Variants in HNRNPH1 observed in about 807,000 individuals in gnomAD.
HNRNPH1 encodes the protein heterogeneous nuclear ribonucleoprotein H.
In HNRNPH1, 4 loss-of-function variants were observed where a neutral mutation model predicts 58.6. The ratio of observed to expected loss-of-function variants is 0.07; its 90% CI spans 0.03 to 0.16. HNRNPH1 has a LOEUF of 0.16. Ranked by LOEUF, HNRNPH1 falls within the 10% of genes least tolerant of loss-of-function variation. The pLI is 1.00. For missense variants in HNRNPH1, 271 were observed against 564.2 expected (o/e 0.48, Z 5.26); for synonymous variants, 192 against 189.2 (o/e 1.01, Z -0.12).
At chr5:179,632,307 CAAAAAAAAAAAAAA>C (rs1334828191) in intron 2 of HNRNPH1, among the ~76,000 whole-genome samples, 1 of 132,830 alleles carries the variant, frequency 7.5e-6, no homozygotes, top group Non-Finnish European at 1.6e-5. Flanking sequence ...GACTCCGTCT[CAAAAAAAAAAAAAA>C]GAAAAAAGAA....
chr5:179,615,951 G>T, intron 11 of HNRNPH1, 175 bp downstream of exon 12: 1 of 587,910 alleles, frequency 1.7e-6, no homozygotes, highest in Non-Finnish European at 3.1e-6. Context: ...TGGATTGAAA[G>T]CATACATTTC....
intron 1 of HNRNPH1, 99 bp downstream of exon 2, chr5:179,622,923 ACCCGGCCCGGCCCGG>A (rs1160394343): frequency 1.3e-3 from 169 of 131,832 alleles, no homozygotes; most frequent in African/African-American, 3.9e-3. Flanking sequence ...CCCGGGTCCC[ACCCGGCCCGGCCCGG>A]CCCGGCCCGC....
chr5:179,618,422 G>T, intron 4 of HNRNPH1, 99 bp from the exon 6 acceptor site: 1 of 771,086 alleles, frequency 1.3e-6, no homozygotes, highest in Non-Finnish European at 2.0e-6. Context: ...TCTAGTCATA[G>T]CCATGAAACT....
intron 2 of HNRNPH1, 76 bp from the exon 4 acceptor site, chr5:179,621,111 AGC>A: frequency 6.5e-7 from 1 of 1,533,866 alleles, no homozygotes; most frequent in South Asian, 1.1e-5. Flanking sequence ...TCTTTAGATA[AGC>A]TAGGAAGAGC....
At chr5:179,620,575 G>A (rs544193389) in intron 3 of HNRNPH1, 2 of 260,700 alleles carry the variant, frequency 7.7e-6, no homozygotes, top group Non-Finnish European at 1.5e-5. Context: ...CTGGTAAAGG[G>A]ATCTTACCTT....
upstream of HNRNPH1, among the ~76,000 whole-genome samples, chr5:179,625,955 A>ATTTTTTTTT (rs1010509687): frequency 3.3e-5 from 5 of 149,764 alleles, no homozygotes; most frequent in African/African-American, 1.2e-4. Flanking sequence ...TTATTTATTT[A>ATTTTTTTTT]TTTATTTATT....
In HNRNPH1 at chr5:179,617,205, C is replaced by A. The variant is rs919231837; in HGVS notation, c.1058-95G>T. The A allele has an allele frequency of 4.1e-6, 5 of 1,210,988 alleles. No individual in the cohort carries two copies. In the Admixed American group the frequency reaches 1.1e-4, roughly 27 times the overall value. 75.0% of individuals were successfully genotyped at this position (1,210,988 alleles called of 1,614,324 possible). The stretch of plus-strand genomic sequence containing the variant: ...GTTTTTAAACAAGCAGATCTGTGAA[C>A]TTCAAATACTTTGGCAAAGAAATTC... On this transcript the variant is annotated intron_variant, in intron 8 of 12. Transcript: ENST00000356731.
Position 179,620,878 on chromosome 5 carries a change from A to G in HNRNPH1, c.397+14T>C, listed in dbSNP as rs77085994. On this transcript the variant is annotated intron_variant, in intron 3 of 12. Transcript: ENST00000356731. ...GCCAAAACTCACTGCTCAGCAACAA[A>G]CATGACTACATACCTGAGAAGAACT... 2.3e-3 allele frequency: 3,733 copies of G among 1,613,110 alleles called. 72 individuals are homozygous for G. In the African/African-American group the frequency reaches 0.043, roughly 19 times the overall value.
At chr5:179,627,358 AT>A (rs1378030841), upstream of HNRNPH1, among the ~76,000 whole-genome samples, 397 of 143,872 alleles carry the variant, frequency 2.8e-3, no homozygotes, top group Middle Eastern at 0.011. Flanking sequence ...GGCCCGACTA[AT>A]TTTTTTTTTT....
chr5:179,618,373 G>A, intron 4 of HNRNPH1, 50 bp from the exon 6 acceptor site: 1 of 1,301,200 alleles, frequency 7.7e-7, no homozygotes, highest in Non-Finnish European at 1.1e-6. Flanking sequence ...GAAAACATTA[G>A]TTCATTTTAT....
exon 7 of HNRNPH1, chr5:179,617,880 G>C (rs933350031): frequency 5.6e-6 from 9 of 1,613,630 alleles, no homozygotes; most frequent in Non-Finnish European, 6.8e-6. Flanking sequence ...GGAAAGTAGA[G>C]CCACCATCCC....
chr5:179,615,684 G>A, intron 11 of HNRNPH1, 89 bp from the exon 13 acceptor site: 1 of 676,860 alleles, frequency 1.5e-6, no homozygotes, highest in Non-Finnish European at 2.6e-6. Flanking sequence ...ACCAATCCTA[G>A]GTTAACTGAC....
chr5:179,631,591 C>CA lies in HNRNPH1; in HGVS notation c.-32+2473dup, dbSNP rs1317432377. Among the ~76,000 whole-genome samples the CA allele has an allele frequency of 4.6e-5, 7 of 152,218 alleles. 1 individual carries two copies. The South Asian group carries it at 1.2e-3, about 27-fold the overall frequency. On this transcript the variant is annotated intron_variant, in intron 2 of 4. Coordinates refer to the HNRNPH1 transcript ENST00000521116. ...TGAAACCCCGCCTCTATTAAAAATA[C>CA]AAAAAATTAGCCAGGTGCAGTGGCG... is the stretch of plus-strand genomic sequence containing the variant.
At chr5:179,616,538 C>T (rs1052570610) in intron 10 of HNRNPH1, 2 of 511,586 alleles carry the variant, frequency 3.9e-6, no homozygotes, top group Non-Finnish European at 7.0e-6. Flanking sequence ...CAGTTTGATA[C>T]ATCAAAGGCA....
At chr5:179,618,521 AG>A (rs1325598620) in intron 4 of HNRNPH1, 198 bp from the exon 6 acceptor site, 29 of 420,622 alleles carry the variant, frequency 6.9e-5, no homozygotes, top group Non-Finnish European at 1.0e-4. Context: ...TAAACTTTAT[AG>A]AAAAAAAAAA....
Position 179,623,187 on chromosome 5 carries a change from A to C in HNRNPH1, c.-54T>G, listed in dbSNP as rs1136267. ...AAACTGCAAAGCGGGGAGGACCAGA[A>C]CTGAGAGCGCCAATTAAGCTGTCCT... On this transcript the variant is annotated 5_prime_UTR_variant, in exon 1 of 13. Transcript: ENST00000356731. 515,085 of 1,318,728 alleles carry C rather than the reference A, an allele frequency of 0.39. 109,410 individuals are homozygous for C. Among genetic ancestry groups the C allele is most frequent in the East Asian group, 0.72 (28,808 of 40,096 alleles). 81.7% of individuals were successfully genotyped at this position (1,318,728 alleles called of 1,614,324 possible). A position where few individuals can be genotyped will look rare whatever the true frequency, so the allele number is the denominator to read the frequency against.
upstream of HNRNPH1, chr5:179,624,720 T>G: frequency 1.8e-5 from 7 of 397,396 alleles, no homozygotes; most frequent in Non-Finnish European, 3.1e-5. Context: ...ATGTCTGATT[T>G]GGCTGCCTTC....
At chr5:179,624,681 TA>T, upstream of HNRNPH1, 1 of 398,276 alleles carries the variant, frequency 2.5e-6, no homozygotes, top group East Asian at 3.6e-5. Flanking sequence ...GCCCAAAACC[TA>T]AGATGCCGTA....
At chr5:179,632,695 G>C (rs1336110225) in intron 2 of HNRNPH1, among the ~76,000 whole-genome samples, 1 of 151,772 alleles carries the variant, frequency 6.6e-6, no homozygotes, top group Non-Finnish European at 1.5e-5. Flanking sequence ...AACTTTCCGG[G>C]TGCGAACCTC....
Sources: allele counts gnomAD v4.1 joint callset (sites outside exome capture counted in the v4.1 genomes callset), GRCh38; gene constraint gnomAD v4.1.1; transcripts MANE v1.5; gene names NCBI Gene and HGNC (gene_info 2026-07-23, HGNC 2026-07-21).